Variants in EFCAB5 observed in about 807,000 individuals in gnomAD.
EFCAB5 encodes the protein EF-hand calcium binding domain 5.
EFCAB5 carries 131 observed loss-of-function variants against 167.9 expected under a neutral mutation model. The observed-to-expected ratio is 0.78, with a 90% CI of 0.68 to 0.90. EFCAB5 has a LOEUF of 0.90. Among genes scored for constraint, EFCAB5 ranks in the 40% least tolerant of loss-of-function variants. The pLI is 0.00. For missense variants in EFCAB5, 1,663 were observed against 1,745.2 expected (o/e 0.95, Z 0.84); for synonymous variants, 574 against 602.8 (o/e 0.95, Z 0.70).
At chr17:29,967,942 G>T (rs762379589) in intron 3 of EFCAB5, among the ~76,000 whole-genome samples, 5 of 140,296 alleles carry the variant, frequency 3.6e-5, no homozygotes, top group African/African-American at 8.1e-5. Context: ...TGGCATGATC[G>T]TGGCTCACTG....
chr17:30,075,262 T>G (rs1019316118), intron 14 of EFCAB5, among the ~76,000 whole-genome samples: 13 of 152,220 alleles, frequency 8.5e-5, no homozygotes, highest in African/African-American at 3.1e-4. Context: ...AGTTTTAACA[T>G]CTTGCACTAA....
chr17:29,937,188 CTTCT>C (rs764780244), upstream of EFCAB5, among the ~76,000 whole-genome samples: 3 of 151,940 alleles, frequency 2.0e-5, no homozygotes, highest in Non-Finnish European at 2.9e-5. Context: ...ATCACTCCTG[CTTCT>C]TTATTTATTT....
intron 4 of EFCAB5, among the ~76,000 whole-genome samples, chr17:29,977,262 G>T (rs1426153880): frequency 1.3e-5 from 2 of 152,096 alleles, no homozygotes; most frequent in Non-Finnish European, 2.9e-5. Flanking sequence ...GCCTAATTAT[G>T]ATGGTGGTTA....
intron 22 of EFCAB5, among the ~76,000 whole-genome samples, chr17:30,102,136 G>A (rs994780718): frequency 6.7e-6 from 1 of 149,636 alleles, no homozygotes; most frequent in Non-Finnish European, 1.5e-5. Context: ...AGAAGTCTAC[G>A]GAAGGAGAAT....
chr17:30,028,490 T>C (rs1217941094), intron 7 of EFCAB5, among the ~76,000 whole-genome samples: 3 of 152,130 alleles, frequency 2.0e-5, no homozygotes, highest in African/African-American at 4.8e-5. Context: ...GGCAAGTATG[T>C]TGTGAAAATA....
At chr17:30,012,269 G>A (rs1453914099) in intron 7 of EFCAB5, among the ~76,000 whole-genome samples, 1 of 152,184 alleles carries the variant, frequency 6.6e-6, no homozygotes, top group Non-Finnish European at 1.5e-5. Flanking sequence ...CACCTCTTGT[G>A]AAGGGGCTGA....
chr17:30,083,540 C>T (rs1048462429), intron 18 of EFCAB5, among the ~76,000 whole-genome samples: 7 of 152,212 alleles, frequency 4.6e-5, no homozygotes, highest in African/African-American at 1.4e-4. Context: ...CCTCAACCTC[C>T]GCCACCCGGG....
In EFCAB5 at chr17:30,092,108, CA is replaced by C; in HGVS notation, c.4176del (p.Glu1393SerfsTer22). On this transcript the variant is annotated frameshift_variant, in exon 21 of 23. Transcript: ENST00000394835. LOFTEE classifies it high-confidence loss of function. ...ILKAVILFFH[P>X]ELEFSSDFGS... ...AAGGCGGTTATCTTGTTCTTTCATC[CA>C]GAGTTGGAATTTTCAAGTGACTTTG... 1 of 1,613,868 alleles carries C rather than the reference CA, an allele frequency of 6.2e-7. No individual in the cohort carries two copies.
chr17:30,019,777 A>G (rs2069131476), intron 7 of EFCAB5, among the ~76,000 whole-genome samples: 2 of 152,134 alleles, frequency 1.3e-5, no homozygotes, highest in African/African-American at 2.4e-5. Flanking sequence ...AGCCTCAGTC[A>G]TGCATATTTT....
chr17:29,949,377 C>T (rs911800532), intron 3 of EFCAB5, among the ~76,000 whole-genome samples: 2 of 152,058 alleles, frequency 1.3e-5, no homozygotes, highest in Admixed American at 6.5e-5. Flanking sequence ...ACTAGAGTGG[C>T]GAAGATGTAC....
intron 7 of EFCAB5, among the ~76,000 whole-genome samples, chr17:30,028,530 A>C (rs1182077680): frequency 1.3e-5 from 2 of 152,178 alleles, no homozygotes; most frequent in Non-Finnish European, 2.9e-5. Context: ...GAAATGAGAG[A>C]ATTTTAAGCC....
intron 10 of EFCAB5, 107 bp from the exon 11 acceptor site, chr17:30,055,781 G>A (rs2151787291): frequency 8.7e-7 from 1 of 1,155,112 alleles, no homozygotes; most frequent in East Asian, 2.5e-5. Context: ...AGTACTTAGA[G>A]TTTTTGGTGT....
Position 30,092,854 on chromosome 17 carries a change from TTTA to T in EFCAB5, c.4240_4242del (p.Leu1414del). ...TTTGTTCACAGTATGTTAACAAATATTTAGTCAACAATATTTGTGCCTTTGATC... is the reference window on the plus strand; with the variant it reads ...TTTGTTCACAGTATGTTAACAAATATGTCAACAATATTTGTGCCTTTGATC... On this transcript the variant is annotated inframe_deletion, in exon 22 of 23. Coordinates refer to ENST00000394835, the MANE Select transcript of EFCAB5 (RefSeq NM_198529.4). 1 of 1,611,156 alleles carries T rather than the reference TTTA, an allele frequency of 6.2e-7. No homozygotes were observed. Among genetic ancestry groups the T allele is most frequent in the Non-Finnish European group, 8.5e-7 (1 of 1,178,780 alleles).
Position 29,969,338 on chromosome 17 carries a change from GA to G in EFCAB5, c.739del (p.Ile247TyrfsTer14), listed in dbSNP as rs1169247889. Reference sequence around the variant, plus strand: ...TGAAAGAAGTCACAGAAGACCTGAAGATATATGTTCCTGACACTATCTGCAA... The same window carrying G: ...TGAAAGAAGTCACAGAAGACCTGAAGTATATGTTCCTGACACTATCTGCAA... ...LMKEVTEDLK[I>X]YVPDTICNRV... On this transcript the variant is annotated frameshift_variant, in exon 4 of 23. Coordinates refer to ENST00000394835, the MANE Select transcript of EFCAB5 (RefSeq NM_198529.4). LOFTEE classifies it high-confidence loss of function. The G allele has an allele frequency of 1.2e-6, 2 of 1,606,748 alleles. No homozygotes were observed. Among genetic ancestry groups the G allele is most frequent in the Non-Finnish European group, 1.7e-6 (2 of 1,177,168 alleles).
At chr17:29,934,653 A>G (rs2067230498) in intron 1 of EFCAB5, among the ~76,000 whole-genome samples, 1 of 152,184 alleles carries the variant, frequency 6.6e-6, no homozygotes, top group Non-Finnish European at 1.5e-5. Flanking sequence ...CTCAGTGTTT[A>G]CAATAGGCAG....
intron 3 of EFCAB5, among the ~76,000 whole-genome samples, chr17:29,956,949 T>C (rs1850388508): frequency 1.3e-5 from 2 of 152,192 alleles, no homozygotes; most frequent in Admixed American, 1.3e-4. Flanking sequence ...TATTTCTTTA[T>C]CTTATCTGAT....
intron 22 of EFCAB5, among the ~76,000 whole-genome samples, chr17:30,099,812 G>A (rs902945305): frequency 1.3e-5 from 2 of 152,026 alleles, no homozygotes; most frequent in African/African-American, 4.8e-5. Flanking sequence ...CTGCTTGGAG[G>A]AGGAGCATCT....
At chr17:30,105,569 T>A (rs1207984482) in intron 22 of EFCAB5, among the ~76,000 whole-genome samples, 2 of 152,138 alleles carry the variant, frequency 1.3e-5, no homozygotes, top group East Asian at 1.9e-4. Context: ...ATATTTTAAG[T>A]ATGTATGTCG....
intron 7 of EFCAB5, among the ~76,000 whole-genome samples, chr17:30,007,693 G>A (rs2068800130): frequency 6.6e-6 from 1 of 152,080 alleles, no homozygotes; most frequent in African/African-American, 2.4e-5. Flanking sequence ...CTGAAATCAG[G>A]GTGCATCATT....
Sources: gnomAD v4.1 joint callset for allele counts (sites outside exome capture counted in the v4.1 genomes callset) on GRCh38, gnomAD v4.1.1 for gene constraint, MANE v1.5 for transcripts, NCBI Gene and HGNC (gene_info 2026-07-23, HGNC 2026-07-21) for gene names.